The following FAM186B variants were observed in gnomAD, a reference collection of about 807,000 sequenced individuals.
The protein encoded by FAM186B is family with sequence similarity 186 member B.
A neutral mutation model predicts 83.4 loss-of-function variants in FAM186B; 68 were observed. The ratio of observed to expected loss-of-function variants is 0.81; its 90% CI spans 0.67 to 1.00. The LOEUF (loss-of-function observed/expected upper bound fraction) is 1.00, where lower values mean the gene tolerates loss of function less well. FAM186B is among the 50% of genes least tolerant of loss of function. FAM186B has a pLI of 0.00. For missense variants in FAM186B, 983 were observed against 1,099.2 expected, an observed-to-expected ratio of 0.89 and a Z score of 1.49; for synonymous variants, 389 against 422.0, an observed-to-expected ratio of 0.92 and a Z score of 0.96.
At chr12:49,596,364 A>G (rs886561746) in intron 5 of FAM186B, among the ~76,000 whole-genome samples, 2 of 151,370 alleles carry the variant, frequency 1.3e-5, no homozygotes, top group African/African-American at 4.9e-5. Context: ...AAGGACCTCA[A>G]CTGACATTTA....
At chr12:49,601,782 T>C (rs1939901266) in intron 3 of FAM186B, among the ~76,000 whole-genome samples, 1 of 152,104 alleles carries the variant, frequency 6.6e-6, no homozygotes, top group Non-Finnish European at 1.5e-5. Flanking sequence ...ACGGTGGTCA[T>C]TGTACCCCCT....
At chr12:49,587,453 G>A (rs1939469597), downstream of FAM186B, 15 of 1,081,726 alleles carry the variant, frequency 1.4e-5, no homozygotes, top group Non-Finnish European at 2.0e-5. Flanking sequence ...CCGAGCAAAG[G>A]AACCAGGTTA....
At chr12:49,595,315 C>A in intron 5 of FAM186B, 1 of 643,444 alleles carries the variant, frequency 1.6e-6, no homozygotes, top group Non-Finnish European at 2.9e-6. Context: ...AAAAGAGGGA[C>A]CATATGACAT....
At chr12:49,609,527 A>G (rs911917002), upstream of FAM186B, among the ~76,000 whole-genome samples, 1 of 152,178 alleles carries the variant, frequency 6.6e-6, no homozygotes. Flanking sequence ...GCCCAGACAG[A>G]TCTCTAGGCA....
chr12:49,610,860 G>A, the FAM186B span, among the ~76,000 whole-genome samples: 4 of 151,802 alleles, frequency 2.6e-5, no homozygotes, highest in African/African-American at 7.3e-5. Context: ...ATCAATGACT[G>A]GACCATGAGA....
At chr12:49,619,293 G>A in the FAM186B span, 23 of 279,138 alleles carry the variant, frequency 8.2e-5, no homozygotes, top group African/African-American at 4.7e-4. Context: ...TGGTGTGTGA[G>A]GGGGTTTTCT....
intron 5 of FAM186B, chr12:49,595,211 T>C: frequency 1.6e-6 from 1 of 622,790 alleles, no homozygotes; most frequent in South Asian, 1.6e-5. Context: ...CAAGCTGGGA[T>C]TAAGGTCACC....
the FAM186B span, among the ~76,000 whole-genome samples, chr12:49,617,450 G>A: frequency 6.6e-6 from 1 of 152,236 alleles, no homozygotes; most frequent in Middle Eastern, 3.4e-3. Context: ...AGGCTGAGGT[G>A]GGAGGGTCAC....
chr12:49,617,020 C>A, the FAM186B span, among the ~76,000 whole-genome samples: 1 of 152,068 alleles, frequency 6.6e-6, no homozygotes, highest in Non-Finnish European at 1.5e-5. Flanking sequence ...ATTTGCATAC[C>A]CTTTTCCCCT....
chr12:49,584,431 C>G, downstream of FAM186B: 2 of 694,636 alleles, frequency 2.9e-6, no homozygotes, highest in Non-Finnish European at 5.3e-6. Context: ...ACCAAGTTCT[C>G]TGTGGGTTTC....
chr12:49,598,670 C>T lies in FAM186B; in HGVS notation c.2364+85G>A, dbSNP rs1325883485. 1.2e-5 allele frequency: 15 copies of T among 1,260,240 alleles called. No individual in the cohort carries two copies. In the East Asian group the frequency reaches 3.4e-4, roughly 29 times the overall value. The allele number at this position is 1,260,240 out of a possible 1,614,324, so 78.1% of individuals were successfully genotyped here. On this transcript the variant is annotated intron_variant, in intron 5 of 6. Transcript: ENST00000257894. ...GGTCCCGCAGTCTCAGCCACATCCCCACGGGTTCATTTCAGGCCCCAAGCC... is the reference window on the plus strand; with the variant it reads ...GGTCCCGCAGTCTCAGCCACATCCCTACGGGTTCATTTCAGGCCCCAAGCC...
intron 6 of FAM186B, among the ~76,000 whole-genome samples, chr12:49,588,009 C>A (rs1046213606): frequency 9.9e-5 from 15 of 152,228 alleles, no homozygotes; most frequent in Non-Finnish European, 1.9e-4. Context: ...GGCAGAAGCC[C>A]TGATCTAGGC....
chr12:49,605,753 C>CTTTT (rs200117345), upstream of FAM186B: 29 of 228,962 alleles, frequency 1.3e-4, 1 homozygote, highest in African/African-American at 3.4e-4. Flanking sequence ...GACTTGTTGC[C>CTTTT]TTTTCTTTTT....
chr12:49,590,199 C>T (rs1279769374), intron 5 of FAM186B, among the ~76,000 whole-genome samples: 1 of 151,476 alleles, frequency 6.6e-6, no homozygotes, highest in Non-Finnish European at 1.5e-5. Flanking sequence ...ATCCATTATC[C>T]CTCAGTGGTG....
intron 5 of FAM186B, chr12:49,593,162 A>T (rs772575688): frequency 6.6e-6 from 1 of 152,272 alleles, no homozygotes; most frequent in Admixed American, 6.5e-5. Flanking sequence ...GACTACTAGC[A>T]TGGCCTCTGT....
At chr12:49,599,444 C>T in intron 4 of FAM186B, 25 bp downstream of exon 4, 2 of 1,513,008 alleles carry the variant, frequency 1.3e-6, no homozygotes, top group Middle Eastern at 1.8e-4. Flanking sequence ...AGGTGGGTGC[C>T]AGGTGGGTTC....
the FAM186B span, among the ~76,000 whole-genome samples, chr12:49,616,885 T>A: frequency 6.6e-6 from 1 of 152,226 alleles, no homozygotes; most frequent in Non-Finnish European, 1.5e-5. Flanking sequence ...TAAAATGCAA[T>A]GTTTTGTAAT....
Position 49,601,019 on chromosome 12 carries a change from C to T in FAM186B, c.621G>A (p.Thr207=), listed in dbSNP as rs188991068. ...GCATGGACGTCACCTCCGAGGCCTT[C>T]GTGTTCATGGTATGCTGGTCCTGGA... The part of the protein sequence containing the change: ...QMLQDQHTMN[T]KASEVTSMLQ... Residue 207 remains threonine, a synonymous_variant, in exon 4 of 7, where the codon ACG becomes ACA. Coordinates refer to ENST00000257894, the MANE Select transcript of FAM186B (RefSeq NM_032130.3). 153 of 1,614,188 alleles carry T rather than the reference C, an allele frequency of 9.5e-5. 1 individual carries two copies. The South Asian group carries it at 1.1e-3, about 12-fold the overall frequency.
At chr12:49,604,236 G>A (rs1939959229) in intron 2 of FAM186B, 77 bp downstream of exon 2, 16 of 1,104,692 alleles carry the variant, frequency 1.4e-5, no homozygotes, top group Non-Finnish European at 2.2e-5. Flanking sequence ...AGAAGGGGAT[G>A]TGTCCTGTGC....
Sources: gnomAD v4.1 joint callset for allele counts (sites outside exome capture counted in the v4.1 genomes callset) on GRCh38, gnomAD v4.1.1 for gene constraint, MANE v1.5 for transcripts, NCBI Gene and HGNC (gene_info 2026-07-23, HGNC 2026-07-21) for gene names.